Variants in DPP6 observed in about 807,000 individuals in gnomAD.
The protein encoded by DPP6 is A-type potassium channel modulatory protein DPP6.
In DPP6, 69 loss-of-function variants were observed where a neutral mutation model predicts 122.6. That is an observed-to-expected ratio of 0.56 (90% confidence interval 0.46 to 0.69). The LOEUF (loss-of-function observed/expected upper bound fraction) is 0.69, where lower values mean the gene tolerates loss of function less well. DPP6 is among the 30% of genes least tolerant of loss of function. The probability of loss-of-function intolerance (pLI) is 0.00; values close to 1 mark genes in which losing one functional copy is unlikely to be tolerated. For synonymous variants in DPP6, 418 were observed against 433.1 expected, an observed-to-expected ratio of 0.97 and a Z score of 0.43; for missense variants, 928 against 1,116.9, an observed-to-expected ratio of 0.83 and a Z score of 2.41.
Position 154,146,409 on chromosome 7 carries a change from G to C in DPP6, c.243+93346G>C, listed in dbSNP as rs1186601803. Among the ~76,000 whole-genome samples the C allele has an allele frequency of 2.0e-5, 3 of 147,424 alleles. No homozygotes were observed. The South Asian group carries it at 7.0e-4, about 34-fold the overall frequency. On this transcript the variant is annotated intron_variant, in intron 1 of 25. Transcript: ENST00000377770. ...TCCCACAGCACTTCCTGTGTACCCT[G>C]ATACCTAACAAAATGTTTTAAAGAT...
intron 6 of DPP6, among the ~76,000 whole-genome samples, chr7:154,664,098 G>T (rs796352237): frequency 9.2e-6 from 1 of 109,250 alleles, no homozygotes; most frequent in Non-Finnish European, 2.1e-5. Context: ...CGTATCGGCC[G>T]TAGTGTTCAT....
intron 16 of DPP6, among the ~76,000 whole-genome samples, chr7:154,837,254 C>T (rs1584851019): frequency 6.6e-6 from 1 of 151,346 alleles, no homozygotes; most frequent in South Asian, 2.1e-4. Flanking sequence ...GGCACATTCA[C>T]ACATGCACAC....
chr7:153,835,020 T>C, the DPP6 span, among the ~76,000 whole-genome samples: 1 of 152,230 alleles, frequency 6.6e-6, no homozygotes, highest in South Asian at 2.1e-4. Context: ...TTGTTTATCT[T>C]GGCTAAAGTA....
chr7:154,352,332 G>A (rs1183869663), intron 1 of DPP6, among the ~76,000 whole-genome samples: 1 of 151,922 alleles, frequency 6.6e-6, no homozygotes, highest in African/African-American at 2.4e-5. Flanking sequence ...GAGTGGTGGT[G>A]GGCGCCTGTG....
At chr7:154,155,456 G>T (rs12536388) in intron 1 of DPP6, among the ~76,000 whole-genome samples, 2 of 152,090 alleles carry the variant, frequency 1.3e-5, no homozygotes, top group African/African-American at 4.8e-5. Flanking sequence ...TTAGGGTCCA[G>T]GCCACAGAGG....
chr7:154,854,468 G>A (rs1273803766), intron 17 of DPP6, among the ~76,000 whole-genome samples: 1 of 151,950 alleles, frequency 6.6e-6, no homozygotes, highest in South Asian at 2.1e-4. Context: ...TTGCTAAGCT[G>A]ACCTCACAAG....
intron 7 of DPP6, among the ~76,000 whole-genome samples, chr7:154,720,138 G>A (rs949751452): frequency 6.6e-6 from 1 of 152,220 alleles, no homozygotes; most frequent in Middle Eastern, 3.2e-3. Context: ...GCTTACAAGA[G>A]GGCAGGATCT....
intron 9 of DPP6, among the ~76,000 whole-genome samples, chr7:154,771,618 T>C (rs1796255751): frequency 6.6e-6 from 1 of 152,222 alleles, no homozygotes; most frequent in Non-Finnish European, 1.5e-5. Flanking sequence ...CAGGCTCCTT[T>C]CAACAGCCTT....
chr7:154,341,545 T>C (rs1171611597), intron 1 of DPP6, among the ~76,000 whole-genome samples: 1 of 151,978 alleles, frequency 6.6e-6, no homozygotes, highest in East Asian at 1.9e-4. Flanking sequence ...AAAGGAAAGA[T>C]ATAAGATTTT....
chr7:154,298,534 G>T (rs989127598), intron 1 of DPP6, among the ~76,000 whole-genome samples: 32 of 152,192 alleles, frequency 2.1e-4, no homozygotes, highest in African/African-American at 7.7e-4. Flanking sequence ...GGAAGCCCCA[G>T]ATCACCCGGG....
chr7:154,796,112 C>T (rs775899554), intron 12 of DPP6: 11 of 589,582 alleles, frequency 1.9e-5, no homozygotes, highest in Admixed American at 3.5e-5. Context: ...GTGAAAATCA[C>T]GGCTCTTCAG....
intron 3 of DPP6, among the ~76,000 whole-genome samples, chr7:154,526,351 G>A (rs1313912608): frequency 6.6e-6 from 1 of 152,144 alleles, no homozygotes; most frequent in East Asian, 1.9e-4. Flanking sequence ...CCAGGTGAAA[G>A]ATAGGCTGTG....
chr7:154,817,307 A>G (rs1386037322), intron 16 of DPP6, among the ~76,000 whole-genome samples: 1 of 152,200 alleles, frequency 6.6e-6, no homozygotes, highest in Non-Finnish European at 1.5e-5. Context: ...TCAGCAGGAA[A>G]GAACATCATG....
intron 1 of DPP6, among the ~76,000 whole-genome samples, chr7:154,156,883 T>C (rs1796708590): frequency 6.6e-6 from 1 of 152,278 alleles, no homozygotes; most frequent in Non-Finnish European, 1.5e-5. Context: ...TTTGTTCCTA[T>C]GGGAAAAGCA....
At chr7:154,125,191 G>A (rs915545650) in intron 1 of DPP6, among the ~76,000 whole-genome samples, 5 of 152,218 alleles carry the variant, frequency 3.3e-5, no homozygotes, top group African/African-American at 9.6e-5. Flanking sequence ...AATGGGAGAC[G>A]AGGGAGACAT....
chr7:154,490,523 C>T (rs768321800), intron 3 of DPP6, among the ~76,000 whole-genome samples: 28 of 152,216 alleles, frequency 1.8e-4, no homozygotes, highest in Non-Finnish European at 3.5e-4. Context: ...GTGAGCTTTG[C>T]CTTTTCCACC....
intron 10 of DPP6, among the ~76,000 whole-genome samples, chr7:154,784,088 G>C (rs1212010108): frequency 6.6e-6 from 1 of 152,120 alleles, no homozygotes; most frequent in Non-Finnish European, 1.5e-5. Context: ...GCTTGGAGAA[G>C]GTTGCTGCAA....
intron 5 of DPP6, among the ~76,000 whole-genome samples, chr7:154,574,635 G>T (rs1831379616): frequency 7.0e-6 from 1 of 142,262 alleles, no homozygotes; most frequent in Non-Finnish European, 1.5e-5. Context: ...TGGTGTGTGT[G>T]TGTGGTGTGT....
chr7:154,852,483 C>CTCTCCTGG (rs1802484059), intron 16 of DPP6, among the ~76,000 whole-genome samples: 1 of 143,628 alleles, frequency 7.0e-6, no homozygotes, highest in African/African-American at 2.7e-5. Context: ...GGCTCTCCTG[C>CTCTCCTGG]CTCTCCTGCC....
Sources: gnomAD v4.1 joint callset for allele counts (sites outside exome capture counted in the v4.1 genomes callset) on GRCh38, gnomAD v4.1.1 for gene constraint, MANE v1.5 for transcripts, NCBI Gene and HGNC (gene_info 2026-07-23, HGNC 2026-07-21) for gene names.